VPS53: variants seen among roughly 807,000 people sequenced by gnomAD.
VPS53 encodes vacuolar protein sorting-associated protein 53 homolog.
VPS53 carries 70 observed loss-of-function variants against 107.0 expected under a neutral mutation model. That is an observed-to-expected ratio of 0.65 (90% confidence interval 0.54 to 0.80). VPS53 has a LOEUF of 0.80. VPS53 is among the 30% of genes least tolerant of loss of function. The pLI is 0.00. For synonymous variants in VPS53, 409 were observed against 393.3 expected (o/e 1.04, Z -0.47); for missense variants, 917 against 1,049.4 (o/e 0.87, Z 1.74).
At chr17:634,796 T>C (rs1456139607) in intron 7 of VPS53, among the ~76,000 whole-genome samples, 1 of 151,916 alleles carries the variant, frequency 6.6e-6, no homozygotes, top group Non-Finnish European at 1.5e-5. Flanking sequence ...AGTCTATCAT[T>C]GATGGACATT....
intron 17 of VPS53, among the ~76,000 whole-genome samples, chr17:540,163 CAT>C (rs1297428637): frequency 7.2e-6 from 1 of 139,686 alleles, no homozygotes; most frequent in Admixed American, 8.3e-5. Flanking sequence ...GCTAATGAAA[CAT>C]AGTGATCAAG....
intron 8 of VPS53, among the ~76,000 whole-genome samples, chr17:630,665 C>A (rs1158927038): frequency 2.0e-5 from 3 of 152,142 alleles, no homozygotes; most frequent in Non-Finnish European, 2.9e-5. Context: ...TCCTACATTT[C>A]TTTTATGGAA....
chr17:642,895 A>C (rs1230945842), intron 7 of VPS53, among the ~76,000 whole-genome samples: 1 of 142,036 alleles, frequency 7.0e-6, no homozygotes, highest in Non-Finnish European at 1.6e-5. Context: ...ATACTTGGAA[A>C]TCGAGGACAA....
intron 6 of VPS53, 133 bp from the exon 7 acceptor site, chr17:653,543 T>C (rs1971048188): frequency 2.2e-6 from 3 of 1,374,432 alleles, no homozygotes; most frequent in Non-Finnish European, 2.9e-6. Context: ...ACTGAGTATA[T>C]AAGCTGCTGT....
intron 2 of VPS53, among the ~76,000 whole-genome samples, chr17:707,520 CAAAAAAAA>C (rs59159505): frequency 5.2e-5 from 5 of 95,410 alleles, no homozygotes; most frequent in South Asian, 3.6e-4. Context: ...GACTTTGTCT[CAAAAAAAA>C]AAAAAAAAAA....
intron 4 of VPS53, among the ~76,000 whole-genome samples, chr17:664,013 G>C (rs1971577857): frequency 6.6e-6 from 1 of 152,180 alleles, no homozygotes; most frequent in Non-Finnish European, 1.5e-5. Flanking sequence ...AAGGTCTCCT[G>C]AGAAAGGGCA....
intron 12 of VPS53, 60 bp downstream of exon 12, chr17:601,735 G>C (rs1402253958): frequency 4.4e-6 from 6 of 1,366,974 alleles, no homozygotes; most frequent in Non-Finnish European, 6.1e-6. Context: ...GGAGCAAGCA[G>C]ACCGATTTTC....
rs912245813 is a variant in VPS53, at chr17:646,052, C to T, written c.608+7239G>A. The stretch of plus-strand genomic sequence containing the variant: ...CACACACATCTCGGTGACCGCGTGG[C>T]CTCTGCCTGATAAGGGTCTTATCTT... On this transcript the variant is annotated intron_variant, in intron 7 of 21. Transcript: ENST00000437048. 6.8e-4 allele frequency among the ~76,000 whole-genome samples: 84 copies of T among 123,266 alleles called. 7 individuals carry two copies. In the South Asian group the frequency reaches 7.0e-3, roughly 10 times the overall value. The allele number at this position is 123,266 out of a possible 152,430, so 80.9% of individuals were successfully genotyped here.
chr17:537,945 C>G (rs1910239489), intron 17 of VPS53: 1 of 152,018 alleles, frequency 6.6e-6, no homozygotes, highest in Non-Finnish European at 1.5e-5. Flanking sequence ...TAGGGTGGAC[C>G]AGAGGGTAAG....
At chr17:587,426 T>C (rs940603752) in intron 12 of VPS53, among the ~76,000 whole-genome samples, 1 of 152,164 alleles carries the variant, frequency 6.6e-6, no homozygotes, top group Non-Finnish European at 1.5e-5. Flanking sequence ...AGGCAGTACT[T>C]TCTAAGAAAG....
rs10711234 is a variant in VPS53, at chr17:622,388, T to TA, written c.1116+1144dup. ...TGCTTCTCTATTGTTACCCGCAGTTTAAAAAAAAAAAACAAATCTAGCTCT... is the reference window on the plus strand; with the variant it reads ...TGCTTCTCTATTGTTACCCGCAGTTTAAAAAAAAAAAAACAAATCTAGCTCT... On this transcript the variant is annotated intron_variant, in intron 11 of 21. Transcript: ENST00000437048. Among the ~76,000 whole-genome samples, 48 of 148,658 alleles carry TA rather than the reference T, an allele frequency of 3.2e-4. No homozygotes were observed. The East Asian group carries it at 4.2e-3, about 13-fold the overall frequency.
At chr17:673,007 G>A (rs1196018167) in intron 4 of VPS53, among the ~76,000 whole-genome samples, 3 of 151,748 alleles carry the variant, frequency 2.0e-5, no homozygotes, top group African/African-American at 7.3e-5. Flanking sequence ...AGCTACTCGG[G>A]AGACTTAGGC....
chr17:557,275 G>A lies in VPS53; in HGVS notation c.1704+3151C>T, dbSNP rs141597582. Among the ~76,000 whole-genome samples, 469 of 152,104 alleles carry A rather than the reference G, an allele frequency of 3.1e-3. 2 individuals carry two copies. The highest frequency in any genetic ancestry group is 9.9e-3 in the African/African-American group (411 of 41,470). ...ACTCCAGCCTCTGCCTCCTTCTCAC[G>A]GCCTTCTTCCCTGTATCTCTGTGTG... On this transcript the variant is annotated intron_variant, in intron 15 of 21. Transcript: ENST00000437048.
intron 12 of VPS53, among the ~76,000 whole-genome samples, chr17:588,743 C>T (rs1293812031): frequency 2.0e-5 from 3 of 152,252 alleles, no homozygotes; most frequent in Admixed American, 1.3e-4. Context: ...CACAACCACA[C>T]AAGCCTGGCT....
chr17:683,619 C>G (rs913025214), intron 4 of VPS53, among the ~76,000 whole-genome samples: 6 of 152,212 alleles, frequency 3.9e-5, no homozygotes, highest in Non-Finnish European at 1.5e-5. Flanking sequence ...TCATTTGCTT[C>G]TCTGCAGGCT....
At chr17:531,329 C>T (rs1909520336) in intron 19 of VPS53, among the ~76,000 whole-genome samples, 2 of 151,694 alleles carry the variant, frequency 1.3e-5, no homozygotes, top group Non-Finnish European at 2.9e-5. Flanking sequence ...TTAAGTAAAA[C>T]TCCAGTTCCA....
At position 548,473 on chromosome 17, in the gene VPS53, CCTTCTGG is replaced by C. The variant is rs1474378203; in HGVS notation, c.1866+3392_1866+3398del. ...CACTCCACTTTGGCCAGCCAACAGT[CCTTCTGG>C]AATCATCCAACAACTACACTCCACT... is the stretch of plus-strand genomic sequence containing the variant. On this transcript the variant is annotated intron_variant, in intron 17 of 21. Coordinates refer to ENST00000437048, the MANE Select transcript of VPS53 (RefSeq NM_001128159.3). 5.6e-4 allele frequency among the ~76,000 whole-genome samples: 83 copies of C among 147,588 alleles called. 3 individuals are homozygous for C. Among genetic ancestry groups the C allele is most frequent in the East Asian group, 3.0e-3 (15 of 4,956 alleles).
At chr17:633,814 G>C (rs1230672836) in intron 7 of VPS53, among the ~76,000 whole-genome samples, 1 of 152,182 alleles carries the variant, frequency 6.6e-6, no homozygotes, top group Non-Finnish European at 1.5e-5. Context: ...TTTGACATGA[G>C]AGAAAAGAAT....
chr17:663,776 C>G (rs1971568322), intron 4 of VPS53, among the ~76,000 whole-genome samples: 1 of 152,122 alleles, frequency 6.6e-6, no homozygotes, highest in South Asian at 2.1e-4. Context: ...TACTGAATGC[C>G]TCCCATATAC....
Sources: gnomAD v4.1 joint callset for allele counts (sites outside exome capture counted in the v4.1 genomes callset) on GRCh38, gnomAD v4.1.1 for gene constraint, MANE v1.5 for transcripts, NCBI Gene and HGNC (gene_info 2026-07-23, HGNC 2026-07-21) for gene names.